The following SPAG16 variants were observed in gnomAD, a reference collection of about 807,000 sequenced individuals.
The protein encoded by SPAG16 is sperm associated antigen 16.
In SPAG16, 86 loss-of-function variants were observed where a neutral mutation model predicts 80.4. That is an observed-to-expected ratio of 1.07 (90% CI 0.90 to 1.28). The LOEUF (loss-of-function observed/expected upper bound fraction) is 1.28, where lower values mean the gene tolerates loss of function less well. Among genes scored for constraint, SPAG16 ranks in the 50% most tolerant of loss-of-function variants. SPAG16 has a pLI of 0.00. For missense variants in SPAG16, 870 were observed against 765.3 expected (o/e 1.14, Z -1.61); for synonymous variants, 294 against 265.9 (o/e 1.11, Z -1.03).
intron 13 of SPAG16, among the ~76,000 whole-genome samples, chr2:214,029,419 T>C (rs2048301290): frequency 6.6e-6 from 1 of 151,932 alleles, no homozygotes; most frequent in Non-Finnish European, 1.5e-5. Context: ...TGGGAAGATA[T>C]TGGAGGGCTT....
At chr2:213,590,800 T>A (rs1186746702) in intron 10 of SPAG16, among the ~76,000 whole-genome samples, 1 of 152,322 alleles carries the variant, frequency 6.6e-6, no homozygotes, top group East Asian at 1.9e-4. Flanking sequence ...TATTAGTGGA[T>A]ATTCAACTAA....
At chr2:214,201,262 G>A (rs761912442) in intron 15 of SPAG16, among the ~76,000 whole-genome samples, 3 of 152,072 alleles carry the variant, frequency 2.0e-5, no homozygotes, top group Non-Finnish European at 4.4e-5. Flanking sequence ...AAACACTTTC[G>A]ATTAGTTTCT....
At chr2:214,011,890 G>C (rs987858865) in intron 12 of SPAG16, among the ~76,000 whole-genome samples, 1 of 152,014 alleles carries the variant, frequency 6.6e-6, no homozygotes, top group South Asian at 2.1e-4. Flanking sequence ...AAGAAAGGAA[G>C]GGCATATTTT....
chr2:214,059,208 A>ATGTGTG (rs1559745268), intron 13 of SPAG16, among the ~76,000 whole-genome samples: 2 of 88,098 alleles, frequency 2.3e-5, no homozygotes, highest in African/African-American at 8.8e-5. Context: ...ATATATATAT[A>ATGTGTG]TATATATGTA....
At chr2:214,040,608 G>A (rs2048955120) in intron 13 of SPAG16, among the ~76,000 whole-genome samples, 1 of 152,124 alleles carries the variant, frequency 6.6e-6, no homozygotes, top group South Asian at 2.1e-4. Context: ...CCATGTCCCT[G>A]CAGAGGACAT....
At chr2:213,314,167 A>G (rs149481863) in intron 4 of SPAG16, among the ~76,000 whole-genome samples, 7 of 152,058 alleles carry the variant, frequency 4.6e-5, no homozygotes, top group Middle Eastern at 3.4e-3. Context: ...ATTCATATAT[A>G]TTCTCCATTT....
At chr2:214,377,183 T>C (rs7420670) in intron 15 of SPAG16, among the ~76,000 whole-genome samples, 112,162 of 152,032 alleles carry the variant, frequency 0.74, 41,966 homozygotes, top group African/African-American at 0.87. Flanking sequence ...GTTCATCTCT[T>C]CGGTAAGTTG....
At chr2:213,526,280 T>G (rs1373778181) in intron 10 of SPAG16, among the ~76,000 whole-genome samples, 1 of 152,226 alleles carries the variant, frequency 6.6e-6, no homozygotes, top group Non-Finnish European at 1.5e-5. Flanking sequence ...ATTTACACAA[T>G]ATGACTATGG....
intron 15 of SPAG16, among the ~76,000 whole-genome samples, chr2:214,296,648 T>C (rs1219175497): frequency 1.3e-5 from 2 of 152,194 alleles, no homozygotes; most frequent in Non-Finnish European, 2.9e-5. Flanking sequence ...TAGTGATGTT[T>C]ACCTTTTATT....
chr2:214,165,194 G>GAA (rs11388081), intron 15 of SPAG16, among the ~76,000 whole-genome samples: 2 of 151,686 alleles, frequency 1.3e-5, no homozygotes, highest in Admixed American at 6.6e-5. Flanking sequence ...AAGTTTGCAT[G>GAA]AAAAAAAAGT....
intron 9 of SPAG16, among the ~76,000 whole-genome samples, chr2:213,432,394 A>G (rs908134562): frequency 6.6e-6 from 1 of 152,166 alleles, no homozygotes. Flanking sequence ...GTAATCAGAA[A>G]TGAAAACGAA....
intron 10 of SPAG16, among the ~76,000 whole-genome samples, chr2:213,843,874 C>A (rs1246511540): frequency 6.6e-6 from 1 of 151,968 alleles, no homozygotes; most frequent in Non-Finnish European, 1.5e-5. Context: ...ACAAAAAGAA[C>A]CCCTTCTTTT....
At chr2:213,812,244 A>G (rs2072207192) in intron 10 of SPAG16, among the ~76,000 whole-genome samples, 1 of 152,338 alleles carries the variant, frequency 6.6e-6, no homozygotes, top group South Asian at 2.1e-4. Flanking sequence ...GGATACTGGA[A>G]TAAGTATGGA....
At chr2:213,928,837 T>C (rs1411366607) in intron 11 of SPAG16, among the ~76,000 whole-genome samples, 2 of 151,460 alleles carry the variant, frequency 1.3e-5, no homozygotes, top group Non-Finnish European at 2.9e-5. Flanking sequence ...AGAACACATT[T>C]AAAAAGCATG....
chr2:213,346,550 C>A (rs148128131), intron 6 of SPAG16, among the ~76,000 whole-genome samples: 2 of 152,060 alleles, frequency 1.3e-5, no homozygotes, highest in Admixed American at 1.3e-4. Context: ...TTTTGAGATA[C>A]GTCCCATCAA....
At chr2:213,934,050 A>G (rs948379417) in intron 12 of SPAG16, among the ~76,000 whole-genome samples, 1 of 152,214 alleles carries the variant, frequency 6.6e-6, no homozygotes, top group Non-Finnish European at 1.5e-5. Context: ...CAATATGGCC[A>G]CAGAGGATAA....
chr2:213,900,182 T>G (rs2077161242), intron 11 of SPAG16, among the ~76,000 whole-genome samples: 3 of 152,116 alleles, frequency 2.0e-5, no homozygotes, highest in Non-Finnish European at 4.4e-5. Flanking sequence ...CAATTCAAGA[T>G]TTTTACCAGT....
chr2:213,577,148 G>A (rs891544416), intron 10 of SPAG16, among the ~76,000 whole-genome samples: 2 of 151,734 alleles, frequency 1.3e-5, no homozygotes, highest in East Asian at 1.9e-4. Context: ...TTAATAAAGG[G>A]TACATTTTAA....
intron 14 of SPAG16, among the ~76,000 whole-genome samples, chr2:214,135,166 A>G (rs1329285721): frequency 3.3e-5 from 5 of 152,174 alleles, no homozygotes; most frequent in Non-Finnish European, 1.5e-5. Flanking sequence ...TAACTCTTCT[A>G]TTGTAATTGC....
Sources: gnomAD v4.1 joint callset for allele counts (sites outside exome capture counted in the v4.1 genomes callset) on GRCh38, gnomAD v4.1.1 for gene constraint, MANE v1.5 for transcripts, NCBI Gene and HGNC (gene_info 2026-07-23, HGNC 2026-07-21) for gene names.